PLAGL1: variants seen among roughly 807,000 people sequenced by gnomAD.
The protein encoded by PLAGL1 is PLAG1 like zinc finger 1.
A neutral mutation model predicts 4.6 loss-of-function variants in PLAGL1; 1 was observed. The observed-to-expected ratio is 0.22, with a 90% CI of 0.08 to 1.03. The LOEUF (loss-of-function observed/expected upper bound fraction) is 1.03, where lower values mean the gene tolerates loss of function less well. Ranked by LOEUF, PLAGL1 falls within the 50% of genes least tolerant of loss-of-function variation. PLAGL1 has a pLI of 0.58. For missense variants in PLAGL1, 464 were observed against 570.4 expected (o/e 0.81, Z 1.90); for synonymous variants, 240 against 237.8 (o/e 1.01, Z -0.08).
chr6:144,000,963 A>C lies in PLAGL1; in HGVS notation c.-584+7127T>G, dbSNP rs1562539494. 6.6e-6 allele frequency among the ~76,000 whole-genome samples: 1 copy of C among 152,158 alleles called. No individual in the cohort carries two copies. Among genetic ancestry groups the C allele is most frequent in the Non-Finnish European group, 1.5e-5 (1 of 67,978 alleles). On this transcript the variant is annotated intron_variant, in intron 1 of 7. Coordinates refer to ENST00000674357, the MANE Select transcript of PLAGL1 (RefSeq NM_001317162.2). This position sits in a 1 kb window ranked among gnomAD's most constrained non-coding sequence, Gnocchi z 4.1. ...AAAATTAAAAATAGAGTATACGTAC[A>C]TATAACTCCTAGCTCTGTCCACAGA... is the stretch of plus-strand genomic sequence containing the variant.
intron 2 of PLAGL1, among the ~76,000 whole-genome samples, chr6:143,981,240 C>A (rs1562488210): frequency 6.9e-6 from 1 of 144,442 alleles, no homozygotes; most frequent in Non-Finnish European, 1.5e-5. Context: ...AAGGTTTTTC[C>A]ACTCTGAATG....
chr6:144,023,750 T>C (rs1044048833), intron 1 of PLAGL1, among the ~76,000 whole-genome samples: 1 of 150,732 alleles, frequency 6.6e-6, no homozygotes, highest in African/African-American at 2.5e-5. Flanking sequence ...TTGGACATCA[T>C]TATGAACTCA....
intron 1 of PLAGL1, among the ~76,000 whole-genome samples, chr6:143,992,806 C>G (rs1006871657): frequency 2.6e-5 from 4 of 151,940 alleles, no homozygotes; most frequent in Non-Finnish European, 5.9e-5. Context: ...GGTGAAACCT[C>G]ATCTCTACTA....
At position 144,022,157 on chromosome 6, in the gene PLAGL1, CTT is replaced by C. The variant is rs10591609; in HGVS notation, c.-151+42309_-151+42310del. On this transcript the variant is annotated intron_variant, in intron 1 of 3. Coordinates refer to the PLAGL1 transcript ENST00000437412. This position sits in a 1 kb window ranked among gnomAD's most constrained non-coding sequence, Gnocchi z 4.2. ...TGCAAATCACATATCTGAGAAATAACTTATATTAAATATACAAAGAACACTTA... is the reference window on the plus strand; with the variant it reads ...TGCAAATCACATATCTGAGAAATAACATATTAAATATACAAAGAACACTTA... 0.031 allele frequency among the ~76,000 whole-genome samples: 4,738 copies of C among 152,214 alleles called. 241 individuals carry two copies. The highest frequency in any genetic ancestry group is 0.11 in the African/African-American group (4,428 of 41,506).
chr6:144,012,270 A>C (rs56360488), upstream of PLAGL1, among the ~76,000 whole-genome samples: 36,641 of 152,024 alleles, frequency 0.24, 4,615 homozygotes, highest in Admixed American at 0.35. This position sits in a 1 kb window ranked among gnomAD's most constrained non-coding sequence, Gnocchi z 4.8. Flanking sequence ...GCTGGAGTAC[A>C]GTGGCATGAT....
intron 1 of PLAGL1, among the ~76,000 whole-genome samples, chr6:144,018,803 T>C (rs1795752063): frequency 6.6e-6 from 1 of 152,178 alleles, no homozygotes; most frequent in Non-Finnish European, 1.5e-5. Flanking sequence ...ACATCACATA[T>C]GTAGTATTCC....
chr6:143,976,273 G>C (rs1786504083), intron 2 of PLAGL1, among the ~76,000 whole-genome samples: 1 of 129,270 alleles, frequency 7.7e-6, no homozygotes, highest in African/African-American at 2.7e-5. Flanking sequence ...CCTTGAGCCT[G>C]AGATTTCTTT....
upstream of PLAGL1, among the ~76,000 whole-genome samples, chr6:144,011,624 G>T (rs139072737): frequency 6.6e-6 from 1 of 151,940 alleles, no homozygotes; most frequent in Non-Finnish European, 1.5e-5. This position sits in a 1 kb window ranked among gnomAD's most constrained non-coding sequence, Gnocchi z 4.3. Flanking sequence ...ATCTGAATAC[G>T]CTGCTTTTTC....
Position 143,942,384 on chromosome 6 carries a change from T to G in PLAGL1, c.432A>C (p.Glu144Asp), listed in dbSNP as rs777804198. Residue 144 changes from glutamate (E) to aspartate (D), a missense_variant, in exon 8 of 8, where the codon GAA becomes GAC. Physicochemically the swap from Glu to Asp is conservative, Grantham distance 45 (BLOSUM62 2). This residue lies in a region of PLAGL1 where 161 missense variants were observed against 196.7 expected (regional missense o/e 0.82). Transcript: ENST00000674357. This position sits in a 1 kb window ranked among gnomAD's most constrained non-coding sequence, Gnocchi z 7.6. ...VLLDHLKAHA[E>D]EKPPSGTKEK... ...CCTTGGTTCCGCTAGGGGGCTTCTC[T>G]TCCGCATGGGCTTTGAGGTGGTCCA... 4 of 1,614,050 alleles carry G rather than the reference T, an allele frequency of 2.5e-6. No homozygotes were observed. The African/African-American group carries it at 5.3e-5, about 22-fold the overall frequency.
upstream of PLAGL1, among the ~76,000 whole-genome samples, chr6:144,013,221 T>A (rs1795311150): frequency 6.6e-6 from 1 of 152,164 alleles, no homozygotes. This position sits in a 1 kb window ranked among gnomAD's most constrained non-coding sequence, Gnocchi z 4.4. Flanking sequence ...TGCTGACACA[T>A]CTATAGGTTG....
In PLAGL1 at chr6:144,036,758, C is replaced by G; in HGVS notation, c.-151+27710G>C. ...CAGAAATTGTGCAACTTCCAGAAAA[C>G]TGCTCTAAGACAAGCAAGAAGGCAG... On this transcript the variant is annotated intron_variant, in intron 1 of 3. Coordinates refer to the PLAGL1 transcript ENST00000437412. The surrounding 1 kb of genome is among the most constrained non-coding windows in gnomAD (Gnocchi z 5.1). 1 of 327,788 alleles carries G rather than the reference C, an allele frequency of 3.1e-6. No homozygotes were observed. Among genetic ancestry groups the G allele is most frequent in the Non-Finnish European group, 5.8e-6 (1 of 171,434 alleles). The allele number at this position is 327,788 out of a possible 1,614,324, so 20.3% of individuals were successfully genotyped here.
chr6:144,000,160 A>G lies in PLAGL1; in HGVS notation c.-584+7930T>C, dbSNP rs867654067. 7.2e-5 allele frequency among the ~76,000 whole-genome samples: 11 copies of G among 152,312 alleles called. No individual in the cohort carries two copies. In the South Asian group the frequency reaches 1.2e-3, roughly 17 times the overall value. On this transcript the variant is annotated intron_variant, in intron 1 of 7. Transcript: ENST00000674357. The surrounding 1 kb of genome is among the most constrained non-coding windows in gnomAD (Gnocchi z 4.1). ...AGAACTTTAAATATCCCGCAACAACATCACACTAAGCTTCAGTGCTACAAA... is the reference window on the plus strand; with the variant it reads ...AGAACTTTAAATATCCCGCAACAACGTCACACTAAGCTTCAGTGCTACAAA...
chr6:143,986,196 A>G (rs1024189684), intron 1 of PLAGL1, among the ~76,000 whole-genome samples: 8 of 151,866 alleles, frequency 5.3e-5, no homozygotes, highest in African/African-American at 1.9e-4. Flanking sequence ...AACCCATGAT[A>G]AAGTCAAGAT....
In PLAGL1 at chr6:143,947,841, C is replaced by A. The variant is rs1045237212; in HGVS notation, c.152+144G>T. 2 of 626,618 alleles carry A rather than the reference C, an allele frequency of 3.2e-6. No homozygotes were observed. Among genetic ancestry groups the A allele is most frequent in the Non-Finnish European group, 5.6e-6 (2 of 360,146 alleles). The allele number at this position is 626,618 out of a possible 1,614,324, so 38.8% of individuals were successfully genotyped here. Reference sequence around the variant, plus strand: ...CGGTCACATAAAACCACAGGAATCACTGGATGCAGATTTCAAGAATCCCTC... The same window carrying A: ...CGGTCACATAAAACCACAGGAATCAATGGATGCAGATTTCAAGAATCCCTC... On this transcript the variant is annotated intron_variant, in intron 7 of 7. Transcript: ENST00000674357. The surrounding 1 kb of genome is among the most constrained non-coding windows in gnomAD (Gnocchi z 4.3).
rs62427138 is a variant in PLAGL1 at position 144,056,342 on chromosome 6, C to T, written c.-151+8126G>A. ...ATCCACACTGACACACCATTATCACCCAGCGTCCATGGTTCACATTCGGGC... is the reference window on the plus strand; with the variant it reads ...ATCCACACTGACACACCATTATCACTCAGCGTCCATGGTTCACATTCGGGC... On this transcript the variant is annotated intron_variant, in intron 1 of 3. Transcript: ENST00000437412. The surrounding 1 kb of genome is among the most constrained non-coding windows in gnomAD (Gnocchi z 4.7). 0.049 allele frequency among the ~76,000 whole-genome samples: 7,388 copies of T among 152,228 alleles called. 257 individuals are homozygous for T. The highest frequency in any genetic ancestry group is 0.074 in the Non-Finnish European group (5,013 of 68,014).
rs1480165379 is a variant in PLAGL1 at position 143,958,510 on chromosome 6, C to T, written c.-325+1959G>A. Among the ~76,000 whole-genome samples the T allele has an allele frequency of 6.6e-6, 1 of 152,150 alleles. No homozygotes were observed. The highest frequency in any genetic ancestry group is 1.9e-4 in the East Asian group (1 of 5,194). Reference sequence around the variant, plus strand: ...GTTCCCAAGCTCACTCCACTTCCTCCAGAAGCATGCCTGTCTGCCTCTCGG... The same window carrying T: ...GTTCCCAAGCTCACTCCACTTCCTCTAGAAGCATGCCTGTCTGCCTCTCGG... On this transcript the variant is annotated intron_variant, in intron 6 of 7. Transcript: ENST00000674357. This position sits in a 1 kb window ranked among gnomAD's most constrained non-coding sequence, Gnocchi z 5.1.
At position 143,945,031 on chromosome 6, in the gene PLAGL1, A is replaced by T. The variant is rs756972737; in HGVS notation, c.153-2368T>A. 6.6e-6 allele frequency among the ~76,000 whole-genome samples: 1 copy of T among 152,110 alleles called. No individual in the cohort carries two copies. The highest frequency in any genetic ancestry group is 6.5e-5 in the Admixed American group (1 of 15,270). On this transcript the variant is annotated intron_variant, in intron 7 of 7. Transcript: ENST00000674357. This position sits in a 1 kb window ranked among gnomAD's most constrained non-coding sequence, Gnocchi z 4.2. ...GACACCCCAGTAGTACTTGAGCAAG[A>T]CCACTGCCTTCCAGACTTCACTAGC...
chr6:143,948,196 G>A lies in PLAGL1; in HGVS notation c.-60C>T. On this transcript the variant is annotated 5_prime_UTR_variant, in exon 7 of 8. Transcript: ENST00000674357. The surrounding 1 kb of genome is among the most constrained non-coding windows in gnomAD (Gnocchi z 6.0). ...GCTGACCAAATGCTGTGCCATTTAA[G>A]CACAAACAGAACGATGGTGCTGGGC... The A allele has an allele frequency of 1.3e-6, 2 of 1,515,000 alleles. No homozygotes were observed. The highest frequency in any genetic ancestry group is 2.3e-5 in the East Asian group (1 of 44,052). The allele number at this position is 1,515,000 out of a possible 1,614,324, so 93.8% of individuals were successfully genotyped here. A position where few individuals can be genotyped will look rare whatever the true frequency, so the allele number is the denominator to read the frequency against.
intron 1 of PLAGL1, among the ~76,000 whole-genome samples, chr6:143,993,032 G>A (rs1036488266): frequency 6.7e-6 from 1 of 149,734 alleles, no homozygotes; most frequent in Non-Finnish European, 1.5e-5. Flanking sequence ...AAAACGGCCG[G>A]GTGCGGTGGC....
Sources: gnomAD v4.1 joint callset for allele counts (sites outside exome capture counted in the v4.1 genomes callset) on GRCh38, gnomAD v4.1.1 for gene constraint, gnomAD v4.1.1 regional missense constraint, Gnocchi (gnomAD v3.1) non-coding constraint, MANE v1.5 for transcripts, NCBI Gene and HGNC (gene_info 2026-07-23, HGNC 2026-07-21) for gene names.